Variants in NEGR1 observed in about 807,000 individuals in gnomAD.
NEGR1 encodes the protein neuronal growth regulator 1, also known as IgLON family member 4.
NEGR1 carries 10 observed loss-of-function variants against 40.9 expected under a neutral mutation model. The ratio of observed to expected loss-of-function variants is 0.24; its 90% CI spans 0.15 to 0.42. NEGR1 has a LOEUF of 0.42. Ranked by LOEUF, NEGR1 falls within the 10% of genes least tolerant of loss-of-function variation. The pLI, the probability that NEGR1 is intolerant of heterozygous loss-of-function variation, is 1.00. For missense variants in NEGR1, 352 were observed against 438.9 expected (o/e 0.80, Z 1.77); for synonymous variants, 185 against 166.8 (o/e 1.11, Z -0.84).
chr1:72,154,316 A>G (rs955618965), intron 1 of NEGR1, among the ~76,000 whole-genome samples: 1 of 151,804 alleles, frequency 6.6e-6, no homozygotes, highest in Non-Finnish European at 1.5e-5. Context: ...CCCCTCCCCA[A>G]ATTTTCATTT....
At chr1:71,448,914 C>T (rs558743201) in intron 6 of NEGR1, among the ~76,000 whole-genome samples, 68 of 152,290 alleles carry the variant, frequency 4.5e-4, no homozygotes, top group African/African-American at 1.6e-3. Context: ...CTCATTTCCG[C>T]CTCTTTCAAG....
intron 6 of NEGR1, among the ~76,000 whole-genome samples, chr1:71,591,118 T>A (rs764265210): frequency 4.2e-4 from 64 of 152,140 alleles, no homozygotes; most frequent in Non-Finnish European, 8.8e-5. Flanking sequence ...TTTTTCAAAC[T>A]CCCAGGGCTA....
At chr1:71,717,002 A>C (rs548822999) in intron 3 of NEGR1, among the ~76,000 whole-genome samples, 1 of 152,320 alleles carries the variant, frequency 6.6e-6, no homozygotes, top group East Asian at 1.9e-4. Flanking sequence ...TTATGGAAGG[A>C]AAGTGCCTGC....
intron 1 of NEGR1, among the ~76,000 whole-genome samples, chr1:72,032,942 C>T (rs573398879): frequency 3.9e-5 from 6 of 152,042 alleles, no homozygotes; most frequent in Non-Finnish European, 7.4e-5. Context: ...GTACTTGGAA[C>T]AGAGCCTAGC....
At chr1:71,814,769 A>G (rs1658136973) in intron 2 of NEGR1, among the ~76,000 whole-genome samples, 1 of 151,988 alleles carries the variant, frequency 6.6e-6, no homozygotes, top group Non-Finnish European at 1.5e-5. Flanking sequence ...CCCCTGTATC[A>G]CTTTTTATTG....
intron 3 of NEGR1, among the ~76,000 whole-genome samples, chr1:71,704,123 C>T: frequency 6.7e-6 from 1 of 149,316 alleles, no homozygotes; most frequent in Non-Finnish European, 1.5e-5. Flanking sequence ...TAAAACTATG[C>T]AAGCCAAGAG....
intron 1 of NEGR1, among the ~76,000 whole-genome samples, chr1:72,173,375 T>G (rs1050926348): frequency 8.5e-6 from 1 of 117,884 alleles, no homozygotes; most frequent in African/African-American, 2.9e-5. Flanking sequence ...TATATTCATA[T>G]TCACATGTTC....
chr1:72,090,416 C>T (rs189016899), intron 1 of NEGR1, among the ~76,000 whole-genome samples: 59 of 147,614 alleles, frequency 4.0e-4, no homozygotes, highest in Non-Finnish European at 6.6e-4. Context: ...ACTAAAGTAG[C>T]GAAGATTTCT....
intron 1 of NEGR1, among the ~76,000 whole-genome samples, chr1:72,119,555 A>G (rs74087126): frequency 0.03 from 4,611 of 152,086 alleles, 266 homozygotes; most frequent in African/African-American, 0.11. Flanking sequence ...ATAGGTTATC[A>G]TATTGGCAGA....
intron 1 of NEGR1, among the ~76,000 whole-genome samples, chr1:72,012,461 G>A (rs1646665739): frequency 6.6e-6 from 1 of 152,044 alleles, no homozygotes; most frequent in Non-Finnish European, 1.5e-5. Context: ...GTGAATTGTG[G>A]CTGGATCTTC....
chr1:72,159,772 A>C (rs1280059699), intron 1 of NEGR1, among the ~76,000 whole-genome samples: 2 of 152,140 alleles, frequency 1.3e-5, no homozygotes, highest in Non-Finnish European at 2.9e-5. Flanking sequence ...ATAAGATGTA[A>C]AAAGATATCG....
At chr1:71,983,778 A>G (rs991770405) in intron 1 of NEGR1, among the ~76,000 whole-genome samples, 40 of 152,210 alleles carry the variant, frequency 2.6e-4, no homozygotes, top group African/African-American at 9.4e-4. Context: ...ATATGTGGCA[A>G]TTGATCAAAA....
chr1:71,926,856 G>T (rs1645778657), intron 2 of NEGR1, among the ~76,000 whole-genome samples: 5 of 152,002 alleles, frequency 3.3e-5, no homozygotes, highest in Admixed American at 3.3e-4. Flanking sequence ...TGATAATTTT[G>T]CTTAGGAATA....
intron 1 of NEGR1, among the ~76,000 whole-genome samples, chr1:72,096,049 C>T (rs1648684830): frequency 6.6e-6 from 1 of 151,810 alleles, no homozygotes; most frequent in Admixed American, 6.6e-5. Flanking sequence ...CTTTACGAGG[C>T]CTCAAACCCA....
chr1:72,249,507 G>T (rs189889815), intron 1 of NEGR1, among the ~76,000 whole-genome samples: 2 of 152,052 alleles, frequency 1.3e-5, no homozygotes, highest in East Asian at 3.9e-4. Context: ...TATATATATG[G>T]GCTAGAGAGG....
chr1:72,248,607 T>G (rs12070984), intron 1 of NEGR1, among the ~76,000 whole-genome samples: 1 of 147,126 alleles, frequency 6.8e-6, no homozygotes, highest in African/African-American at 2.5e-5. Flanking sequence ...TTATTATTAT[T>G]ATTATTATTT....
intron 1 of NEGR1, among the ~76,000 whole-genome samples, chr1:72,019,198 T>C (rs1040467683): frequency 6.6e-6 from 1 of 152,128 alleles, no homozygotes; most frequent in African/African-American, 2.4e-5. Context: ...CTTATGTATT[T>C]TTATCTAACT....
intron 2 of NEGR1, among the ~76,000 whole-genome samples, chr1:71,791,804 T>C (rs1169975696): frequency 6.6e-6 from 1 of 151,866 alleles, no homozygotes. Context: ...TAATTGGAAG[T>C]AGGTAGAGGA....
intron 1 of NEGR1, among the ~76,000 whole-genome samples, chr1:72,255,687 A>G (rs1655248147): frequency 6.6e-6 from 1 of 151,400 alleles, no homozygotes; most frequent in Non-Finnish European, 1.5e-5. Context: ...GGTAGCTGGG[A>G]CTACAGGCAT....
Sources: allele counts gnomAD v4.1 joint callset (sites outside exome capture counted in the v4.1 genomes callset), GRCh38; gene constraint gnomAD v4.1.1; transcripts MANE v1.5; gene names NCBI Gene and HGNC (gene_info 2026-07-23, HGNC 2026-07-21).